The following CCDC171 variants were observed in gnomAD, a reference collection of about 807,000 sequenced individuals.
CCDC171 encodes the protein coiled-coil domain containing 171, also known as coiled-coil domain-containing protein 171.
A neutral mutation model predicts 168.2 loss-of-function variants in CCDC171; 177 were observed. The ratio of observed to expected loss-of-function variants is 1.05; its 90% confidence interval spans 0.93 to 1.19. CCDC171 has a LOEUF of 1.19. Ranked by LOEUF, CCDC171 falls within the 50% of genes most tolerant of loss-of-function variation. The pLI, the probability that CCDC171 is intolerant of heterozygous loss-of-function variation, is 0.00. For synonymous variants in CCDC171, 687 were observed against 540.8 expected (o/e 1.27, Z -3.75); for missense variants, 1,991 against 1,539.0 (o/e 1.29, Z -4.91).
At chr9:16,025,144 T>C (rs1371099736) in intron 6 of CCDC171, among the ~76,000 whole-genome samples, 3 of 152,128 alleles carry the variant, frequency 2.0e-5, no homozygotes, top group Admixed American at 2.0e-4. Context: ...TATGTCCACA[T>C]AAAAACTTGA....
At chr9:15,866,366 G>T (rs2061785422) in intron 23 of CCDC171, among the ~76,000 whole-genome samples, 1 of 151,960 alleles carries the variant, frequency 6.6e-6, no homozygotes, top group Non-Finnish European at 1.5e-5. Context: ...CTAGATGGGG[G>T]CTCAGAAGGG....
At chr9:16,042,035 C>G (rs1833581346), upstream of CCDC171, among the ~76,000 whole-genome samples, 1 of 152,198 alleles carries the variant, frequency 6.6e-6, no homozygotes, top group African/African-American at 2.4e-5. Context: ...AGAGATAAAG[C>G]TGAAATTATT....
At chr9:16,073,828 G>T in the CCDC171 span, among the ~76,000 whole-genome samples, 2 of 152,180 alleles carry the variant, frequency 1.3e-5, no homozygotes, top group African/African-American at 2.4e-5. Flanking sequence ...GTCAGTTTCT[G>T]TGATCCCCTG....
intron 4 of CCDC171, among the ~76,000 whole-genome samples, chr9:15,586,029 T>C (rs941667950): frequency 6.6e-6 from 1 of 152,184 alleles, no homozygotes; most frequent in African/African-American, 2.4e-5. Flanking sequence ...TTGTGCATTC[T>C]ACTAGATGTA....
intron 21 of CCDC171, among the ~76,000 whole-genome samples, chr9:15,826,729 AT>A (rs2060029192): frequency 1.3e-5 from 2 of 152,192 alleles, no homozygotes; most frequent in African/African-American, 4.8e-5. Context: ...AGATGACTTC[AT>A]ATACCAGCCT....
At chr9:15,615,199 C>T (rs571877853) in intron 6 of CCDC171, among the ~76,000 whole-genome samples, 15 of 152,074 alleles carry the variant, frequency 9.9e-5, no homozygotes, top group East Asian at 7.7e-4. Flanking sequence ...TAATGTCAGG[C>T]GGGTTTAACA....
At chr9:15,803,238 G>C (rs924998697) in intron 21 of CCDC171, among the ~76,000 whole-genome samples, 1 of 152,112 alleles carries the variant, frequency 6.6e-6, no homozygotes, top group Non-Finnish European at 1.5e-5. Context: ...AGTTTCTTTT[G>C]CTGTGCAGAA....
chr9:15,839,276 T>G (rs2060575002), intron 21 of CCDC171, among the ~76,000 whole-genome samples: 1 of 152,142 alleles, frequency 6.6e-6, no homozygotes, highest in African/African-American at 2.4e-5. Context: ...TTAAATATAT[T>G]AAAGTACCTT....
At chr9:16,077,600 A>C in the CCDC171 span, among the ~76,000 whole-genome samples, 404 of 152,290 alleles carry the variant, frequency 2.7e-3, 1 homozygote, top group African/African-American at 7.7e-3. Context: ...AGACATGTGG[A>C]GGAGCTCTAA....
chr9:15,936,104 A>G (rs547159007), intron 25 of CCDC171, among the ~76,000 whole-genome samples: 1 of 152,232 alleles, frequency 6.6e-6, no homozygotes, highest in East Asian at 1.9e-4. Context: ...GGCAGGTGGT[A>G]GAAGCACAAG....
the CCDC171 span, among the ~76,000 whole-genome samples, chr9:16,075,004 A>T: frequency 6.6e-6 from 1 of 152,170 alleles, no homozygotes; most frequent in African/African-American, 2.4e-5. Flanking sequence ...TTGTTACTTT[A>T]TACATGCTGA....
rs1554714846 is a variant in CCDC171, at chr9:15,623,472, C to CGT, written c.822+60_822+61insTG. 9.1e-4 allele frequency: 668 copies of CGT among 736,552 alleles called. 33 individuals are homozygous for CGT. The East Asian group carries it at 0.021, about 23-fold the overall frequency. The allele number at this position is 736,552 out of a possible 1,614,324, so 45.6% of individuals were successfully genotyped here. A position where few individuals can be genotyped will look rare whatever the true frequency, so the allele number is the denominator to read the frequency against. On this transcript the variant is annotated intron_variant, in intron 7 of 25. Coordinates refer to ENST00000380701, the MANE Select transcript of CCDC171 (RefSeq NM_173550.4). ...GTACAAACTTTCACATATGCGCGCG[C>CGT]GCGCACACACACACACACACACACA...
At chr9:15,791,515 T>A (rs1297348107) in intron 21 of CCDC171, among the ~76,000 whole-genome samples, 1 of 152,244 alleles carries the variant, frequency 6.6e-6, no homozygotes, top group Non-Finnish European at 1.5e-5. Context: ...TGTGGTTTTC[T>A]AGATATACAA....
chr9:16,052,733 TC>T (rs1474506444), intron 1 of CCDC171, among the ~76,000 whole-genome samples: 3 of 152,134 alleles, frequency 2.0e-5, no homozygotes, highest in African/African-American at 7.2e-5. Context: ...CCTGTATTTA[TC>T]ACTTTCTCTT....
chr9:15,920,892 A>C (rs1825227488), intron 25 of CCDC171, among the ~76,000 whole-genome samples: 1 of 151,660 alleles, frequency 6.6e-6, no homozygotes, highest in African/African-American at 2.4e-5. Flanking sequence ...TATGATTAAA[A>C]TTCAGTTTCA....
At chr9:16,006,248 C>G (rs1382441300) in intron 3 of CCDC171, among the ~76,000 whole-genome samples, 2 of 152,158 alleles carry the variant, frequency 1.3e-5, no homozygotes, top group African/African-American at 2.4e-5. Context: ...TCCCCACATC[C>G]TAACACTTGT....
At chr9:15,901,565 A>AT (rs1397124127) in intron 24 of CCDC171, among the ~76,000 whole-genome samples, 4 of 152,182 alleles carry the variant, frequency 2.6e-5, no homozygotes, top group South Asian at 4.1e-4. Context: ...ACATCCTATA[A>AT]TTTTTTTTAT....
the CCDC171 span, among the ~76,000 whole-genome samples, chr9:16,067,162 T>C: frequency 6.6e-6 from 1 of 152,178 alleles, no homozygotes; most frequent in South Asian, 2.1e-4. Context: ...TTCTAACTGG[T>C]GTGAGATGGT....
the CCDC171 span, among the ~76,000 whole-genome samples, chr9:16,102,726 CA>C: frequency 6.6e-6 from 1 of 152,174 alleles, no homozygotes; most frequent in Non-Finnish European, 1.5e-5. Flanking sequence ...CACTTTCCAA[CA>C]GCTCTTCGTC....
Sources: allele counts gnomAD v4.1 joint callset (sites outside exome capture counted in the v4.1 genomes callset), GRCh38; gene constraint gnomAD v4.1.1; transcripts MANE v1.5; gene names NCBI Gene and HGNC (gene_info 2026-07-23, HGNC 2026-07-21).